CACHD1: variants seen among roughly 807,000 people sequenced by gnomAD.
CACHD1 encodes the protein cache domain containing 1.
In CACHD1, 71 loss-of-function variants were observed where a neutral mutation model predicts 138.7. The observed-to-expected ratio is 0.51, with a 90% CI of 0.42 to 0.62. CACHD1 has a LOEUF of 0.62. CACHD1 is among the 20% of genes least tolerant of loss of function. The pLI is 0.00. For synonymous variants in CACHD1, 578 were observed against 591.5 expected, an observed-to-expected ratio of 0.98 and a Z score of 0.33; for missense variants, 1,389 against 1,625.3, an observed-to-expected ratio of 0.85 and a Z score of 2.50.
intron 12 of CACHD1, among the ~76,000 whole-genome samples, chr1:64,656,584 C>T (rs1446329785): frequency 2.0e-5 from 3 of 152,036 alleles, no homozygotes; most frequent in Non-Finnish European, 4.4e-5. Context: ...TTTGTCTGAC[C>T]TTCTTGATAC....
At position 64,565,838 on chromosome 1, in the gene CACHD1, C is replaced by G. The variant is rs138829029; in HGVS notation, c.261+15182C>G. 2.0e-4 allele frequency among the ~76,000 whole-genome samples: 30 copies of G among 152,258 alleles called. No individual in the cohort carries two copies. In the East Asian group the frequency reaches 5.2e-3, roughly 26 times the overall value. On this transcript the variant is annotated intron_variant, in intron 2 of 26. Coordinates refer to ENST00000651257, the MANE Select transcript of CACHD1 (RefSeq NM_020925.4). ...AGAGAGGTAATAAGTATAAATTGTT[C>G]AAGACCTCAGAAATGAATGTGGCAG...
intron 1 of CACHD1, among the ~76,000 whole-genome samples, chr1:64,509,423 T>G (rs148531679): frequency 1.3e-5 from 2 of 152,354 alleles, no homozygotes; most frequent in East Asian, 3.9e-4. Context: ...TTTAATCCTT[T>G]CTTTGGCTTC....
At chr1:64,681,098 T>A (rs1344741890) in intron 24 of CACHD1, among the ~76,000 whole-genome samples, 160 bp from the exon 25 acceptor site, 1 of 152,174 alleles carries the variant, frequency 6.6e-6, no homozygotes, top group Non-Finnish European at 1.5e-5. Flanking sequence ...CCCTCCTCCT[T>A]TAAAAAAACA....
At chr1:64,626,493 T>TA (rs1648106313) in intron 4 of CACHD1, among the ~76,000 whole-genome samples, 1 of 152,214 alleles carries the variant, frequency 6.6e-6, no homozygotes, top group Admixed American at 6.5e-5. Context: ...CTCTACATCA[T>TA]ATGTAGATGG....
At chr1:64,594,266 A>G (rs935771969) in intron 3 of CACHD1, among the ~76,000 whole-genome samples, 51 of 151,802 alleles carry the variant, frequency 3.4e-4, no homozygotes, top group African/African-American at 1.2e-3. Flanking sequence ...AAAAAAAAAA[A>G]AAAGAAAGAA....
chr1:64,485,032 C>T (rs1482652249), intron 1 of CACHD1, among the ~76,000 whole-genome samples: 1 of 152,124 alleles, frequency 6.6e-6, no homozygotes, highest in Admixed American at 6.5e-5. Context: ...TCTGTTTGTC[C>T]GAGAAACTGC....
At chr1:64,509,719 A>G (rs1454090397) in intron 1 of CACHD1, among the ~76,000 whole-genome samples, 1 of 152,166 alleles carries the variant, frequency 6.6e-6, no homozygotes, top group Non-Finnish European at 1.5e-5. Flanking sequence ...ATTTTATGAT[A>G]TTTTTTCAAA....
At chr1:64,602,274 T>G (rs139357906) in intron 3 of CACHD1, among the ~76,000 whole-genome samples, 30 of 152,322 alleles carry the variant, frequency 2.0e-4, no homozygotes, top group Non-Finnish European at 2.6e-4. Context: ...ATTATCTTTT[T>G]CAGATAAGAA....
intron 1 of CACHD1, among the ~76,000 whole-genome samples, chr1:64,524,211 A>G (rs754770205): frequency 6.6e-6 from 1 of 152,186 alleles, no homozygotes; most frequent in Admixed American, 6.6e-5. Context: ...TGTGCTTTCA[A>G]TGAAACTATT....
chr1:64,630,248 T>G (rs1360909007), intron 5 of CACHD1, among the ~76,000 whole-genome samples: 2 of 152,154 alleles, frequency 1.3e-5, no homozygotes, highest in Admixed American at 1.3e-4. Flanking sequence ...CACTTTAAAT[T>G]TTATCTAGAA....
intron 1 of CACHD1, among the ~76,000 whole-genome samples, chr1:64,471,875 C>T (rs1457520471): frequency 6.6e-6 from 1 of 152,074 alleles, no homozygotes; most frequent in Non-Finnish European, 1.5e-5. Context: ...TGCTGAACAC[C>T]AACCACCTGG....
intron 3 of CACHD1, among the ~76,000 whole-genome samples, chr1:64,591,528 T>C (rs1171831574): frequency 6.6e-6 from 1 of 152,236 alleles, no homozygotes; most frequent in Non-Finnish European, 1.5e-5. Flanking sequence ...ACAATGTCTA[T>C]CTTTCTCTTG....
intron 1 of CACHD1, among the ~76,000 whole-genome samples, chr1:64,531,494 G>GTT (rs1646585111): frequency 1.3e-5 from 1 of 77,874 alleles, no homozygotes; most frequent in South Asian, 6.0e-4. Context: ...AATGAATGTG[G>GTT]TTGTGTGTGT....
intron 1 of CACHD1, among the ~76,000 whole-genome samples, chr1:64,493,249 T>A (rs952688853): frequency 6.6e-6 from 1 of 152,248 alleles, no homozygotes; most frequent in African/African-American, 2.4e-5. Flanking sequence ...TTCCACTTAT[T>A]ACTATGGGTA....
rs758465738 is a variant in CACHD1 at position 64,647,894 on chromosome 1, C to G, written c.1250C>G (p.Pro417Arg). ...GGTGTGCCAGACCGGATGGCCTTGC[C>G]TGTGATTAAGGGCAGCATGATGGTG... ...KYGVPDRMALPVIKGSMMVLN... is the reference protein window; with the variant it reads ...KYGVPDRMALRVIKGSMMVLN... Residue 417 changes from proline (P) to arginine (R), a missense_variant, in exon 9 of 27, where the codon CCT becomes CGT. By Grantham distance (103) the Pro-to-Arg change is moderately radical. Around this residue, in one of 5 missense-constraint regions of CACHD1, gnomAD observed 1,000 missense variants for 1,114.7 expected, o/e 0.90. Coordinates refer to ENST00000651257, the MANE Select transcript of CACHD1 (RefSeq NM_020925.4). 2 of 1,614,150 alleles carry G rather than the reference C, an allele frequency of 1.2e-6. No homozygotes were observed. The highest frequency in any genetic ancestry group is 2.2e-5 in the South Asian group (2 of 91,082).
chr1:64,527,261 C>T lies in CACHD1; in HGVS notation c.199-23333C>T, dbSNP rs75302296. 4.1e-3 allele frequency among the ~76,000 whole-genome samples: 625 copies of T among 152,262 alleles called. 6 individuals are homozygous for T. The highest frequency in any genetic ancestry group is 0.015 in the African/African-American group (606 of 41,570). ...GAAGCTGGGATCCATCAAGGACACC[C>T]CAGATCATTCAGTGCGGCCCATGTG... On this transcript the variant is annotated intron_variant, in intron 1 of 26. Coordinates refer to ENST00000651257, the MANE Select transcript of CACHD1 (RefSeq NM_020925.4).
chr1:64,605,645 G>C (rs1034540862), intron 4 of CACHD1, among the ~76,000 whole-genome samples: 1 of 152,120 alleles, frequency 6.6e-6, no homozygotes, highest in Non-Finnish European at 1.5e-5. Flanking sequence ...CAGACTGAGT[G>C]GGGGGTGTGC....
intron 4 of CACHD1, among the ~76,000 whole-genome samples, chr1:64,605,546 A>G (rs1647310860): frequency 6.6e-6 from 1 of 152,198 alleles, no homozygotes; most frequent in African/African-American, 2.4e-5. Context: ...TATTTCTGAT[A>G]ATAGATCCTA....
intron 16 of CACHD1, among the ~76,000 whole-genome samples, chr1:64,667,311 G>T (rs1287381047): frequency 6.6e-6 from 1 of 152,162 alleles, no homozygotes; most frequent in Non-Finnish European, 1.5e-5. Flanking sequence ...CTCATTGTGT[G>T]TCAAATGATT....
Sources: gnomAD v4.1 joint callset for allele counts (sites outside exome capture counted in the v4.1 genomes callset) on GRCh38, gnomAD v4.1.1 for gene constraint, gnomAD v4.1.1 regional missense constraint, MANE v1.5 for transcripts, NCBI Gene and HGNC (gene_info 2026-07-23, HGNC 2026-07-21) for gene names.